Variants in PDE1B observed in about 807,000 individuals in gnomAD.
PDE1B encodes dual specificity calcium/calmodulin-dependent 3',5'-cyclic nucleotide phosphodiesterase 1B.
In PDE1B, 13 loss-of-function variants were observed where a neutral mutation model predicts 66.7. The ratio of observed to expected loss-of-function variants is 0.19; its 90% CI spans 0.13 to 0.31. The LOEUF is 0.31. Among genes scored for constraint, PDE1B ranks in the 10% least tolerant of loss-of-function variants. The pLI, the probability that PDE1B is intolerant of heterozygous loss-of-function variation, is 1.00. For missense variants in PDE1B, 485 were observed against 682.3 expected (o/e 0.71, Z 3.22); for synonymous variants, 230 against 253.9 (o/e 0.91, Z 0.90).
At position 54,575,942 on chromosome 12, in the gene PDE1B, C is replaced by G; in HGVS notation, c.1268-50C>G. ...CATGCCAGCTGCATGCTCTGCCTAGCCCTCCAGATAATAGTAAGACATCTC... is the reference window on the plus strand; with the variant it reads ...CATGCCAGCTGCATGCTCTGCCTAGGCCTCCAGATAATAGTAAGACATCTC... On this transcript the variant is annotated intron_variant, in intron 12 of 15. Coordinates refer to ENST00000243052, the MANE Select transcript of PDE1B (RefSeq NM_000924.4). This position sits in a 1 kb window ranked among gnomAD's most constrained non-coding sequence, Gnocchi z 4.0. The G allele has an allele frequency of 7.7e-7, 1 of 1,301,626 alleles. No homozygotes were observed. The highest frequency in any genetic ancestry group is 1.4e-5 in the African/African-American group (1 of 69,024). 80.6% of individuals were successfully genotyped at this position (1,301,626 alleles called of 1,614,324 possible). A position where few individuals can be genotyped will look rare whatever the true frequency, so the allele number is the denominator to read the frequency against.
chr12:54,552,020 A>G (rs1957284693), intron 2 of PDE1B, among the ~76,000 whole-genome samples: 1 of 152,254 alleles, frequency 6.6e-6, no homozygotes, highest in South Asian at 2.1e-4. Context: ...CCAAAAAAGT[A>G]CAATCTCCGG....
chr12:54,550,222 G>T, intron 2 of PDE1B: 1 of 1,374,322 alleles, frequency 7.3e-7, no homozygotes, highest in Admixed American at 3.0e-5. Context: ...ATGTGCCTGT[G>T]CCTGTGGACC....
At chr12:54,563,778 A>C (rs527985317) in intron 2 of PDE1B, among the ~76,000 whole-genome samples, 12 of 152,234 alleles carry the variant, frequency 7.9e-5, no homozygotes, top group Non-Finnish European at 1.5e-4. Flanking sequence ...CACTTTATAG[A>C]TGAACAAGTT....
intron 13 of PDE1B, 114 bp downstream of exon 13, chr12:54,576,214 A>C: frequency 2.8e-6 from 2 of 724,768 alleles, no homozygotes; most frequent in Admixed American, 2.0e-5. Flanking sequence ...GGGGAGGCAG[A>C]CTGCTTCAAG....
intron 3 of PDE1B, among the ~76,000 whole-genome samples, chr12:54,568,958 A>C (rs1957568933): frequency 6.6e-6 from 1 of 152,232 alleles, no homozygotes; most frequent in Admixed American, 6.5e-5. Context: ...TTTCCTGCTT[A>C]AACACTTCCA....
In PDE1B at chr12:54,550,008, G is replaced by C. The variant is rs1346555284; in HGVS notation, c.113+23G>C. 2.5e-6 allele frequency: 4 copies of C among 1,612,158 alleles called. No individual in the cohort carries two copies. The South Asian group carries it at 4.4e-5, about 18-fold the overall frequency. On this transcript the variant is annotated intron_variant, in intron 2 of 15. Transcript: ENST00000243052. ...TCTGTAAGTCCCCGGCCCGGGAATG[G>C]GGGGAAGGGACCTTAGGGAGCCTGA...
intron 2 of PDE1B, among the ~76,000 whole-genome samples, chr12:54,566,167 T>A (rs1475762039): frequency 6.6e-6 from 1 of 152,154 alleles, no homozygotes; most frequent in African/African-American, 2.4e-5. Flanking sequence ...GTGTAAAACA[T>A]GAGGTGATTG....
At chr12:54,559,707 T>G (rs1466876202) in intron 2 of PDE1B, among the ~76,000 whole-genome samples, 1 of 152,196 alleles carries the variant, frequency 6.6e-6, no homozygotes, top group Non-Finnish European at 1.5e-5. Context: ...AGATATCCTC[T>G]TCGAGGCTTT....
chr12:54,556,292 A>G (rs1957340973), intron 2 of PDE1B, among the ~76,000 whole-genome samples: 1 of 152,184 alleles, frequency 6.6e-6, no homozygotes, highest in Non-Finnish European at 1.5e-5. Context: ...GCAAGACTAC[A>G]TGGTCTGAGA....
chr12:54,577,079 CTT>C, intron 14 of PDE1B, 144 bp from the exon 15 acceptor site: 1 of 728,872 alleles, frequency 1.4e-6, no homozygotes, highest in Non-Finnish European at 2.3e-6. Flanking sequence ...TGGAGAGGCT[CTT>C]CCCAAGTGGG....
In PDE1B at chr12:54,575,466, C is replaced by T. The variant is rs374400119; in HGVS notation, c.1186-85C>T. The T allele has an allele frequency of 1.1e-3, 1,028 of 942,380 alleles. 13 individuals are homozygous for T. Among genetic ancestry groups the T allele is most frequent in the South Asian group, 0.01 (782 of 77,062 alleles). The allele number at this position is 942,380 out of a possible 1,614,324, so 58.4% of individuals were successfully genotyped here. A position where few individuals can be genotyped will look rare whatever the true frequency, so the allele number is the denominator to read the frequency against. ...GCAGAAATTTCACACAACAACCCCC[C>T]ACCCCCACCACTTGCCACCTGTACC... On this transcript the variant is annotated intron_variant, in intron 11 of 15. Coordinates refer to ENST00000243052, the MANE Select transcript of PDE1B (RefSeq NM_000924.4). This position sits in a 1 kb window ranked among gnomAD's most constrained non-coding sequence, Gnocchi z 4.0.
chr12:54,558,954 ATTAT>A (rs1277796226), intron 2 of PDE1B, among the ~76,000 whole-genome samples: 12 of 152,142 alleles, frequency 7.9e-5, no homozygotes, highest in African/African-American at 2.9e-4. Context: ...TGAAGCATGT[ATTAT>A]TTACCCATTT....
At chr12:54,566,198 A>C (rs899306956) in intron 2 of PDE1B, among the ~76,000 whole-genome samples, 11 of 152,200 alleles carry the variant, frequency 7.2e-5, no homozygotes, top group Non-Finnish European at 1.3e-4. Flanking sequence ...CAAAACATCC[A>C]GTGAATGAGA....
At position 54,552,221 on chromosome 12, in the gene PDE1B, G is replaced by A. The variant is rs1413218572; in HGVS notation, c.113+2236G>A. On this transcript the variant is annotated intron_variant, in intron 2 of 15. Transcript: ENST00000243052. ...TTAGGGCTTTGCTGGGTAAGAGGTG[G>A]GAGTTTCCCAACCCTCTCAATGGGA... is the stretch of plus-strand genomic sequence containing the variant. Among the ~76,000 whole-genome samples the A allele has an allele frequency of 1.5e-4, 23 of 152,254 alleles. No individual in the cohort carries two copies. In the East Asian group the frequency reaches 4.2e-3, roughly 28 times the overall value.
chr12:54,576,092 C>G lies in PDE1B; in HGVS notation c.1368C>G (p.Asn456Lys). ...CGGATGAGGACTCCAAGTCTAAAAA[C>G]CAGCCCAGGTGAGGGTGGCTGGGGT... ...PLADEDSKSK[N>K]QPSFQWRQPS... Residue 456 changes from asparagine (N) to lysine (K), a missense_variant, in exon 13 of 16, where the codon AAC becomes AAG. By Grantham distance (94) the Asn-to-Lys change is moderately conservative. Around this residue, in one of 4 missense-constraint regions of PDE1B, gnomAD observed 126 missense variants for 133.8 expected, o/e 0.94. Transcript: ENST00000243052. The G allele has an allele frequency of 6.2e-7, 1 of 1,603,568 alleles. No individual in the cohort carries two copies.
At chr12:54,561,191 T>C (rs1237466387) in intron 2 of PDE1B, among the ~76,000 whole-genome samples, 2 of 152,140 alleles carry the variant, frequency 1.3e-5, no homozygotes, top group Non-Finnish European at 2.9e-5. Context: ...AGATTCAGGA[T>C]GGTTCCCTGT....
chr12:54,553,500 A>G (rs1304672214), intron 2 of PDE1B, among the ~76,000 whole-genome samples: 2 of 152,136 alleles, frequency 1.3e-5, no homozygotes, highest in South Asian at 2.1e-4. Context: ...CCCACTGGGG[A>G]TTATTTTTGC....
chr12:54,577,446 CT>C, intron 15 of PDE1B, 101 bp downstream of exon 15: 1 of 1,606,702 alleles, frequency 6.2e-7, no homozygotes. Context: ...TCTCTCTCCC[CT>C]TTTGAGCAGT....
intron 2 of PDE1B, among the ~76,000 whole-genome samples, chr12:54,550,699 C>T (rs185267436): frequency 6.6e-6 from 1 of 152,156 alleles, no homozygotes; most frequent in Admixed American, 6.5e-5. Flanking sequence ...CTGGCTTAAT[C>T]AGAGGCTTTT....
Sources: gnomAD v4.1 joint callset for allele counts (sites outside exome capture counted in the v4.1 genomes callset) on GRCh38, gnomAD v4.1.1 for gene constraint, gnomAD v4.1.1 regional missense constraint, Gnocchi (gnomAD v3.1) non-coding constraint, MANE v1.5 for transcripts, NCBI Gene and HGNC (gene_info 2026-07-23, HGNC 2026-07-21) for gene names.